The following CYP7B1 variants were observed in gnomAD, a reference collection of about 807,000 sequenced individuals.
The protein encoded by CYP7B1 is cytochrome P450 7B1.
CYP7B1 carries 29 observed loss-of-function variants against 42.7 expected under a neutral mutation model. The observed-to-expected ratio is 0.68, with a 90% CI of 0.51 to 0.93. The LOEUF (loss-of-function observed/expected upper bound fraction) is 0.93, where lower values mean the gene tolerates loss of function less well. CYP7B1 is among the 40% of genes least tolerant of loss of function. The pLI, the probability that CYP7B1 is intolerant of heterozygous loss-of-function variation, is 0.00. For synonymous variants in CYP7B1, 235 were observed against 218.2 expected (o/e 1.08, Z -0.68); for missense variants, 655 against 600.5 (o/e 1.09, Z -0.95).
At chr8:64,698,344 A>G (rs550800768) in intron 1 of CYP7B1, among the ~76,000 whole-genome samples, 1 of 152,098 alleles carries the variant, frequency 6.6e-6, no homozygotes, top group Non-Finnish European at 1.5e-5. Flanking sequence ...GGGGGGGAAA[A>G]AAACTAAACT....
intron 1 of CYP7B1, among the ~76,000 whole-genome samples, chr8:64,730,970 T>C (rs1166136403): frequency 6.6e-6 from 1 of 152,112 alleles, no homozygotes; most frequent in African/African-American, 2.4e-5. Flanking sequence ...AGGGGCTTTT[T>C]CCCTCCTCAC....
chr8:64,613,904 C>T (rs1216814983), intron 4 of CYP7B1, among the ~76,000 whole-genome samples: 1 of 152,054 alleles, frequency 6.6e-6, no homozygotes, highest in African/African-American at 2.4e-5. Flanking sequence ...CCTGGGAGGA[C>T]TTTTGCTCCT....
intron 1 of CYP7B1, among the ~76,000 whole-genome samples, chr8:64,745,643 C>T (rs1807632666): frequency 6.6e-6 from 1 of 152,066 alleles, no homozygotes. Context: ...ATTTTTCCTC[C>T]CCCAGTAGGG....
intron 2 of CYP7B1, among the ~76,000 whole-genome samples, chr8:64,624,007 G>T (rs999554779): frequency 4.6e-5 from 7 of 152,040 alleles, no homozygotes; most frequent in African/African-American, 1.4e-4. Flanking sequence ...GGGGGAGGGG[G>T]TATATGGGAA....
chr8:64,791,809 G>A (rs73688018), intron 1 of CYP7B1, among the ~76,000 whole-genome samples: 12,286 of 152,200 alleles, frequency 0.081, 742 homozygotes, highest in African/African-American at 0.16. Flanking sequence ...TAAAAATGTA[G>A]AATTGGCTTT....
chr8:64,764,818 T>C (rs1309143639), intron 1 of CYP7B1, among the ~76,000 whole-genome samples: 3 of 152,202 alleles, frequency 2.0e-5, no homozygotes, highest in Admixed American at 1.3e-4. Flanking sequence ...TCTAAAAGGA[T>C]AGTGCTATTC....
intron 1 of CYP7B1, among the ~76,000 whole-genome samples, chr8:64,725,199 G>T (rs1466164145): frequency 1.3e-5 from 2 of 152,074 alleles, no homozygotes; most frequent in Admixed American, 6.5e-5. Context: ...TGAGTCTTTG[G>T]GTCTTCATTG....
intron 1 of CYP7B1, among the ~76,000 whole-genome samples, chr8:64,638,648 T>TGTATA (rs1193427585): frequency 6.6e-6 from 1 of 152,136 alleles, no homozygotes; most frequent in East Asian, 1.9e-4. Flanking sequence ...CCTCTATAGT[T>TGTATA]ATACAAGTTG....
chr8:64,733,150 C>T (rs1807438873), intron 1 of CYP7B1, among the ~76,000 whole-genome samples: 1 of 152,078 alleles, frequency 6.6e-6, no homozygotes, highest in Non-Finnish European at 1.5e-5. Flanking sequence ...TATGTATGCA[C>T]ACACACACAC....
intron 1 of CYP7B1, among the ~76,000 whole-genome samples, chr8:64,718,581 T>C (rs1353790840): frequency 6.6e-6 from 1 of 152,230 alleles, no homozygotes; most frequent in African/African-American, 2.4e-5. Context: ...GGGGCATACA[T>C]GGGCTTCCTT....
At chr8:64,732,074 C>T (rs888037964) in intron 1 of CYP7B1, among the ~76,000 whole-genome samples, 1 of 152,222 alleles carries the variant, frequency 6.6e-6, no homozygotes, top group Non-Finnish European at 1.5e-5. Flanking sequence ...GGAGCCCACA[C>T]ACAGAGTCTC....
chr8:64,685,394 G>C (rs559576592), intron 1 of CYP7B1, among the ~76,000 whole-genome samples: 1 of 105,898 alleles, frequency 9.4e-6, no homozygotes, highest in Non-Finnish European at 2.0e-5. Flanking sequence ...GTCTCCGCCC[G>C]GCCGCCATCC....
At position 64,639,159 on chromosome 8, in the gene CYP7B1, TA is replaced by T. The variant is rs934597912; in HGVS notation, c.123-14621del. The stretch of plus-strand genomic sequence containing the variant: ...AAAACAGAAGCTACTGTTAGATTTG[TA>T]AAAAAAAAAATTTACCATTTTGATA... On this transcript the variant is annotated intron_variant, in intron 1 of 5. Coordinates refer to ENST00000310193, the MANE Select transcript of CYP7B1 (RefSeq NM_004820.5). Among the ~76,000 whole-genome samples, 275 of 147,804 alleles carry T rather than the reference TA, an allele frequency of 1.9e-3. 2 individuals are homozygous for T. The highest frequency in any genetic ancestry group is 7.0e-3 in the East Asian group (36 of 5,124).
At chr8:64,705,168 T>G (rs986061149) in intron 1 of CYP7B1, among the ~76,000 whole-genome samples, 1 of 151,900 alleles carries the variant, frequency 6.6e-6, no homozygotes, top group South Asian at 2.1e-4. Context: ...ATCACTCTGA[T>G]ATGTTAGGGC....
Position 64,596,875 on chromosome 8 carries a change from T to C in CYP7B1, c.1288A>G (p.Lys430Glu). Residue 430 changes from lysine (K) to glutamate (E), a missense_variant, in exon 6 of 6, where the codon AAA (lysine) becomes GAA (glutamate). Physicochemically the swap from Lys to Glu is moderately conservative, Grantham distance 56. Transcript: ENST00000310193. ...EDGKKKTTFFKRGKKLKCYLM... is the reference protein window; with the variant it reads ...EDGKKKTTFFERGKKLKCYLM... ...TAACACTTCAGCTTTTTCCCTCTTT[T>C]GAAAAAGGTGGTTTTCTTCTTACCA... is the stretch of plus-strand genomic sequence containing the variant. 6.2e-7 allele frequency: 1 copy of C among 1,613,748 alleles called. No individual in the cohort carries two copies. Among genetic ancestry groups the C allele is most frequent in the East Asian group, 2.2e-5 (1 of 44,856 alleles).
chr8:64,738,566 G>A lies in CYP7B1; in HGVS notation c.122+59900C>T, dbSNP rs1011520555. 3.3e-5 allele frequency among the ~76,000 whole-genome samples: 5 copies of A among 151,362 alleles called. No individual in the cohort carries two copies. The East Asian group carries it at 5.8e-4, about 18-fold the overall frequency. On this transcript the variant is annotated intron_variant, in intron 1 of 5. Transcript: ENST00000310193. Reference sequence around the variant, plus strand: ...CACACACGCACACACACACACACACGCATATAAAACATAATTTGGGTTCCT... The same window carrying A: ...CACACACGCACACACACACACACACACATATAAAACATAATTTGGGTTCCT...
chr8:64,691,488 G>GC (rs200001171), intron 1 of CYP7B1, among the ~76,000 whole-genome samples: 1 of 148,534 alleles, frequency 6.7e-6, no homozygotes, highest in African/African-American at 2.5e-5. Flanking sequence ...CAACTGGGGG[G>GC]GGGGGGTGGT....
intron 1 of CYP7B1, among the ~76,000 whole-genome samples, chr8:64,625,311 A>AT (rs1047653091): frequency 5.3e-5 from 8 of 152,078 alleles, no homozygotes; most frequent in Admixed American, 3.9e-4. Context: ...CTGGTGAGCA[A>AT]TTTTTTGAAG....
intron 1 of CYP7B1, among the ~76,000 whole-genome samples, chr8:64,677,026 A>G (rs1806456511): frequency 6.6e-6 from 1 of 152,132 alleles, no homozygotes; most frequent in Non-Finnish European, 1.5e-5. Flanking sequence ...GTAAAAGGCA[A>G]CACATTATGA....
Sources: allele counts gnomAD v4.1 joint callset (sites outside exome capture counted in the v4.1 genomes callset), GRCh38; gene constraint gnomAD v4.1.1; transcripts MANE v1.5; gene names NCBI Gene and HGNC (gene_info 2026-07-23, HGNC 2026-07-21).